The following PFKFB3 variants were observed in gnomAD, a reference collection of about 807,000 sequenced individuals.
PFKFB3 encodes the protein 6-phosphofructo-2-kinase/fructose-2,6-biphosphatase 3, also known as 6-phosphofructo-2-kinase/fructose-2,6-bisphosphatase 3.
PFKFB3 carries 33 observed loss-of-function variants against 68.0 expected under a neutral mutation model. That is an observed-to-expected ratio of 0.49 (90% CI 0.37 to 0.65). PFKFB3 has a LOEUF of 0.65. Among genes scored for constraint, PFKFB3 ranks in the 30% least tolerant of loss-of-function variants. PFKFB3 has a pLI of 0.00. For synonymous variants in PFKFB3, 315 were observed against 288.2 expected (o/e 1.09, Z -0.94); for missense variants, 586 against 712.2 (o/e 0.82, Z 2.02).
chr10:6,188,859 G>A (rs1312480506), intron 1 of PFKFB3, among the ~76,000 whole-genome samples: 2 of 135,426 alleles, frequency 1.5e-5, no homozygotes, highest in East Asian at 2.1e-4. Flanking sequence ...TTTTTAGACG[G>A]AGTCTCGCTC....
chr10:6,297,512 T>C, the PFKFB3 span, among the ~76,000 whole-genome samples: 1 of 152,066 alleles, frequency 6.6e-6, no homozygotes, highest in African/African-American at 2.4e-5. Context: ...CCTTCTTTTT[T>C]TTTTTGTAGG....
Position 6,220,812 on chromosome 10 carries a change from A to G in PFKFB3, c.778A>G (p.Asn260Asp). The G allele has an allele frequency of 6.2e-7, 1 of 1,613,728 alleles. No homozygotes were observed. The highest frequency in any genetic ancestry group is 8.5e-7 in the Non-Finnish European group (1 of 1,180,016). The part of the protein sequence containing the change: ...YLCRHGENEH[N>D]LQGRIGGDSG... The stretch of plus-strand genomic sequence containing the variant: ...GTGCCGGCACGGCGAGAACGAGCAC[A>G]ACCTCCAGGGCCGCATCGGGGGCGA... The change falls in exon 8 of 15, where the codon AAC becomes GAC. Residue 260 changes from asparagine to aspartate, a missense_variant. Coordinates refer to ENST00000379775, the MANE Select transcript of PFKFB3 (RefSeq NM_004566.4). The surrounding 1 kb of genome is among the most constrained non-coding windows in gnomAD (Gnocchi z 4.1).
chr10:6,189,066 C>T (rs1842957563), intron 1 of PFKFB3, among the ~76,000 whole-genome samples: 1 of 152,124 alleles, frequency 6.6e-6, no homozygotes. Flanking sequence ...GTCTCGATCT[C>T]CTGACCTCGT....
At chr10:6,257,917 C>G (rs139155546), downstream of PFKFB3, among the ~76,000 whole-genome samples, 191 of 152,224 alleles carry the variant, frequency 1.3e-3, 6 homozygotes, top group East Asian at 0.031. Flanking sequence ...ATCCTTCAGC[C>G]CCTCCTAGCA....
chr10:6,299,968 CTTTTTTTTTTTTTT>C, the PFKFB3 span, among the ~76,000 whole-genome samples: 2 of 48,596 alleles, frequency 4.1e-5, no homozygotes, highest in African/African-American at 8.9e-5. Flanking sequence ...GTTCAGAAGA[CTTTTTTTTTTTTTT>C]TTTTTTTTTT....
At chr10:6,246,462 C>G (rs1414568445) in intron 14 of PFKFB3, among the ~76,000 whole-genome samples, 1 of 151,628 alleles carries the variant, frequency 6.6e-6, no homozygotes, top group Non-Finnish European at 1.5e-5. Flanking sequence ...GCCCCAGCCT[C>G]CTGCGTAGCT....
the PFKFB3 span, among the ~76,000 whole-genome samples, chr10:6,317,504 G>A: frequency 6.6e-6 from 1 of 152,274 alleles, no homozygotes; most frequent in East Asian, 1.9e-4. Context: ...GGGCAAAGGA[G>A]GGAGCAGGAA....
chr10:6,209,055 GGTACCCAGTGCAT>G (rs2131902140), intron 1 of PFKFB3, among the ~76,000 whole-genome samples: 1 of 152,330 alleles, frequency 6.6e-6, no homozygotes, highest in Admixed American at 6.5e-5. Context: ...CTGTCTCACG[GGTACCCAGTGCAT>G]GTACCTGGTG....
chr10:6,191,674 G>C (rs780667421), intron 1 of PFKFB3, among the ~76,000 whole-genome samples: 3 of 152,190 alleles, frequency 2.0e-5, no homozygotes, highest in Admixed American at 6.5e-5. Context: ...GAATGGTTTC[G>C]ACAGGTAGGA....
chr10:6,195,060 T>G (rs942705393), intron 1 of PFKFB3, among the ~76,000 whole-genome samples: 1 of 152,010 alleles, frequency 6.6e-6, no homozygotes, highest in African/African-American at 2.4e-5. Flanking sequence ...TTTATAGAGA[T>G]GGGGTTTCAC....
chr10:6,260,090 CA>C, the PFKFB3 span, among the ~76,000 whole-genome samples: 1 of 151,962 alleles, frequency 6.6e-6, no homozygotes, highest in Non-Finnish European at 1.5e-5. Flanking sequence ...AATTTATCGC[CA>C]AACAAAGATG....
Position 6,229,211 on chromosome 10 carries a change from A to T in PFKFB3, c.1515+2846A>T, listed in dbSNP as rs1321129361. 1 of 490,502 alleles carries T rather than the reference A, an allele frequency of 2.0e-6. No individual in the cohort carries two copies. 30.4% of individuals were successfully genotyped at this position (490,502 alleles called of 1,614,324 possible). A position where few individuals can be genotyped will look rare whatever the true frequency, so the allele number is the denominator to read the frequency against. ...GCATGGCGCTCAGATTTTGGTGGCA[A>T]AGGGGTGAAGGGCCAGAGGATGTAC... On this transcript the variant is annotated intron_variant, in intron 14 of 14. Coordinates refer to ENST00000379775, the MANE Select transcript of PFKFB3 (RefSeq NM_004566.4). This position sits in a 1 kb window ranked among gnomAD's most constrained non-coding sequence, Gnocchi z 4.3.
Position 6,220,918 on chromosome 10 carries a change from T to A in PFKFB3, c.831+53T>A. The A allele has an allele frequency of 6.6e-7, 1 of 1,521,644 alleles. No homozygotes were observed. Among genetic ancestry groups the A allele is most frequent in the Non-Finnish European group, 9.0e-7 (1 of 1,106,768 alleles). 94.3% of individuals were successfully genotyped at this position (1,521,644 alleles called of 1,614,324 possible). On this transcript the variant is annotated intron_variant, in intron 8 of 14. Coordinates refer to ENST00000379775, the MANE Select transcript of PFKFB3 (RefSeq NM_004566.4). The surrounding 1 kb of genome is among the most constrained non-coding windows in gnomAD (Gnocchi z 4.1). ...TTCTGGCTGTAGGGCGGTTGCAGGG[T>A]CTATAGGGTGGGTGGGGAGCTGTGT...
chr10:6,290,477 CA>C, the PFKFB3 span, among the ~76,000 whole-genome samples: 10 of 150,442 alleles, frequency 6.6e-5, no homozygotes, highest in Non-Finnish European at 1.5e-4. Context: ...TGGCTTCTTT[CA>C]AGATTTTCTT....
Position 6,203,155 on chromosome 10 carries a change from G to A in PFKFB3, c.-106G>A, listed in dbSNP as rs1483709112. 6.6e-7 allele frequency: 1 copy of A among 1,506,374 alleles called. No homozygotes were observed. The highest frequency in any genetic ancestry group is 2.5e-5 in the Admixed American group (1 of 40,786). 93.3% of individuals were successfully genotyped at this position (1,506,374 alleles called of 1,614,324 possible). On this transcript the variant is annotated 5_prime_UTR_variant, in exon 1 of 15. Transcript: ENST00000379775. ...CGCAGGAAACGCCCGGCCGCGCGCC[G>A]GCGCACGCCCCCCTCTCCTCCTTTG...
intron 14 of PFKFB3, among the ~76,000 whole-genome samples, chr10:6,242,081 G>A (rs1306439435): frequency 6.6e-6 from 1 of 151,962 alleles, no homozygotes; most frequent in African/African-American, 2.4e-5. Context: ...GGCCTCAAGT[G>A]ATTCTTCCCG....
At chr10:6,165,064 C>T (rs117961592) in intron 1 of PFKFB3, among the ~76,000 whole-genome samples, 1,644 of 152,200 alleles carry the variant, frequency 0.011, 69 homozygotes, top group East Asian at 0.099. Context: ...GGGGCACGGT[C>T]AGGTCTTTCC....
downstream of PFKFB3, among the ~76,000 whole-genome samples, chr10:6,255,852 G>T (rs111931976): frequency 1.3e-5 from 2 of 152,208 alleles, no homozygotes; most frequent in Admixed American, 1.3e-4. Context: ...TGCGGGAGAC[G>T]TGTCACAGCA....
At chr10:6,294,308 AC>A in the PFKFB3 span, 2 of 458,400 alleles carry the variant, frequency 4.4e-6, no homozygotes, top group South Asian at 3.3e-5. Context: ...CATACCTGAG[AC>A]TTGGTAATTT....
Sources: allele counts gnomAD v4.1 joint callset (sites outside exome capture counted in the v4.1 genomes callset), GRCh38; gene constraint gnomAD v4.1.1; non-coding constraint Gnocchi (gnomAD v3.1); transcripts MANE v1.5; gene names NCBI Gene and HGNC (gene_info 2026-07-23, HGNC 2026-07-21).